SORBS2: variants seen among roughly 807,000 people sequenced by gnomAD.
SORBS2 encodes sorbin and SH3 domain containing 2, also known as sorbin and SH3 domain-containing protein 2.
SORBS2 carries 46 observed loss-of-function variants against 97.7 expected under a neutral mutation model. That is an observed-to-expected ratio of 0.47 (90% CI 0.37 to 0.60). The LOEUF (loss-of-function observed/expected upper bound fraction) is 0.60, where lower values mean the gene tolerates loss of function less well. Ranked by LOEUF, SORBS2 falls within the 20% of genes least tolerant of loss-of-function variation. The pLI is 0.00. For missense variants in SORBS2, 1,316 were observed against 1,282.3 expected (o/e 1.03, Z -0.40); for synonymous variants, 476 against 473.4 (o/e 1.01, Z -0.07).
intron 1 of SORBS2, among the ~76,000 whole-genome samples, chr4:185,792,031 A>G (rs532764004): frequency 5.8e-4 from 88 of 152,358 alleles, no homozygotes; most frequent in African/African-American, 1.9e-3. Flanking sequence ...AATTTTGATA[A>G]TGGAAATTGA....
intron 4 of SORBS2, among the ~76,000 whole-genome samples, chr4:185,640,052 A>G (rs2097100970): frequency 6.6e-6 from 1 of 152,318 alleles, no homozygotes; most frequent in Non-Finnish European, 1.5e-5. Context: ...AATTATACTC[A>G]CAGTGTTTTT....
intron 2 of SORBS2, among the ~76,000 whole-genome samples, chr4:185,722,047 A>G (rs1583423942): frequency 6.6e-6 from 1 of 152,258 alleles, no homozygotes; most frequent in Non-Finnish European, 1.5e-5. Context: ...TATAAACACC[A>G]TTAATACCTG....
At chr4:185,688,604 T>C (rs2098026613) in intron 2 of SORBS2, among the ~76,000 whole-genome samples, 1 of 151,640 alleles carries the variant, frequency 6.6e-6, no homozygotes, top group South Asian at 2.1e-4. Flanking sequence ...ACTTTATTCA[T>C]CTATCTATCT....
chr4:185,619,419 G>A (rs1304669696), intron 8 of SORBS2, among the ~76,000 whole-genome samples: 2 of 152,118 alleles, frequency 1.3e-5, no homozygotes, highest in East Asian at 3.9e-4. Flanking sequence ...CACAGGCTCT[G>A]GACTACATCA....
intron 1 of SORBS2, among the ~76,000 whole-genome samples, chr4:185,890,303 T>A (rs1416423279): frequency 6.6e-6 from 1 of 152,230 alleles, no homozygotes; most frequent in Non-Finnish European, 1.5e-5. Context: ...CAGTTGTCAT[T>A]GCAAAGCTCT....
chr4:185,915,422 G>A (rs1335430569), intron 1 of SORBS2, among the ~76,000 whole-genome samples: 1 of 152,160 alleles, frequency 6.6e-6, no homozygotes, highest in African/African-American at 2.4e-5. Context: ...AGCTCTGAAG[G>A]TCATTCTGAT....
chr4:185,893,266 G>A (rs1008595992), intron 1 of SORBS2, among the ~76,000 whole-genome samples: 1 of 152,192 alleles, frequency 6.6e-6, no homozygotes, highest in African/African-American at 2.4e-5. Flanking sequence ...TGTGGTGAGA[G>A]GGCTTGACAT....
At chr4:185,585,936 A>G (rs2095796592) in exon 15 of SORBS2, 1 of 152,388 alleles carries the variant, frequency 6.6e-6, no homozygotes, top group African/African-American at 2.4e-5. Context: ...AACTTCATAG[A>G]TTTTTGCATA....
chr4:185,778,024 T>G (rs1172117624), intron 1 of SORBS2, among the ~76,000 whole-genome samples: 1 of 152,222 alleles, frequency 6.6e-6, no homozygotes, highest in Non-Finnish European at 1.5e-5. Context: ...AGAATGTAAA[T>G]TATGACATTA....
chr4:185,809,482 A>AAAT (rs1561170208), intron 1 of SORBS2, among the ~76,000 whole-genome samples: 1 of 147,894 alleles, frequency 6.8e-6, no homozygotes, highest in Non-Finnish European at 1.5e-5. Flanking sequence ...AAAAAAAAAA[A>AAAT]TCTGATATAG....
chr4:185,600,159 T>C (rs2153378899), intron 12 of SORBS2, among the ~76,000 whole-genome samples: 1 of 152,266 alleles, frequency 6.6e-6, no homozygotes, highest in Non-Finnish European at 1.5e-5. Context: ...CATGCCAAAC[T>C]CCTGCACAAC....
chr4:185,862,966 C>G (rs141106654), intron 1 of SORBS2, among the ~76,000 whole-genome samples: 1 of 152,208 alleles, frequency 6.6e-6, no homozygotes, highest in Non-Finnish European at 1.5e-5. Context: ...AACCTGCTCA[C>G]GGGTCTAGTG....
intron 1 of SORBS2, among the ~76,000 whole-genome samples, chr4:185,837,663 C>T (rs1430659914): frequency 6.6e-6 from 1 of 152,002 alleles, no homozygotes; most frequent in Non-Finnish European, 1.5e-5. Flanking sequence ...GCAGTGAGGT[C>T]GTTTCATACA....
At chr4:185,690,720 T>C in intron 2 of SORBS2, 109 bp from the exon 4 acceptor site, 1 of 498,332 alleles carries the variant, frequency 2.0e-6, no homozygotes, top group Admixed American at 3.2e-5. Context: ...TATCACATTA[T>C]CATTAGTCTT....
At chr4:185,616,538 T>C (rs2096629700) in intron 9 of SORBS2, among the ~76,000 whole-genome samples, 1 of 152,226 alleles carries the variant, frequency 6.6e-6, no homozygotes, top group African/African-American at 2.4e-5. Context: ...GAAATGAGAC[T>C]AGCTTTTTAA....
chr4:185,634,921 C>A (rs532659653), intron 4 of SORBS2, among the ~76,000 whole-genome samples: 9 of 152,088 alleles, frequency 5.9e-5, no homozygotes, highest in African/African-American at 2.2e-4. Context: ...AATGAAAGAA[C>A]AAAAATAAAT....
chr4:185,697,647 G>A (rs775870163), intron 2 of SORBS2, among the ~76,000 whole-genome samples: 5 of 152,134 alleles, frequency 3.3e-5, no homozygotes, highest in South Asian at 2.1e-4. Context: ...GCTGATAGCC[G>A]AAAGCGATGG....
At chr4:185,909,841 A>C (rs981060729) in intron 1 of SORBS2, among the ~76,000 whole-genome samples, 12 of 152,088 alleles carry the variant, frequency 7.9e-5, no homozygotes, top group Non-Finnish European at 1.8e-4. Context: ...AAAATTTGCC[A>C]GGCATGGTGG....
At chr4:185,911,191 T>C (rs944164082) in intron 1 of SORBS2, among the ~76,000 whole-genome samples, 3 of 152,136 alleles carry the variant, frequency 2.0e-5, no homozygotes, top group African/African-American at 7.2e-5. Flanking sequence ...ATCTCATATG[T>C]CTGATAAAAA....
Sources: gnomAD v4.1 joint callset for allele counts (sites outside exome capture counted in the v4.1 genomes callset) on GRCh38, gnomAD v4.1.1 for gene constraint, MANE v1.5 for transcripts, NCBI Gene and HGNC (gene_info 2026-07-23, HGNC 2026-07-21) for gene names.